Variants in MAF observed in about 807,000 individuals in gnomAD.
MAF encodes MAF bZIP transcription factor.
A neutral mutation model predicts 22.0 loss-of-function variants in MAF; 10 were observed. That is an observed-to-expected ratio of 0.45 (90% confidence interval 0.28 to 0.77). MAF has a LOEUF of 0.77. Among genes scored for constraint, MAF ranks in the 30% least tolerant of loss-of-function variants. The pLI is 0.12. For missense variants in MAF, 544 were observed against 548.4 expected (o/e 0.99, Z 0.08); for synonymous variants, 337 against 255.8 (o/e 1.32, Z -3.03).
At chr16:79,409,281 C>T in the MAF span, among the ~76,000 whole-genome samples, 3 of 152,142 alleles carry the variant, frequency 2.0e-5, no homozygotes, top group Admixed American at 6.5e-5. Context: ...ACTGAGTCAG[C>T]GATCCAAACG....
At chr16:79,370,910 T>G in the MAF span, among the ~76,000 whole-genome samples, 1 of 152,184 alleles carries the variant, frequency 6.6e-6, no homozygotes, top group East Asian at 1.9e-4. Context: ...CTTCTGTGGT[T>G]TCTCATTTGT....
the MAF span, chr16:79,202,970 G>A: frequency 6.6e-6 from 1 of 152,160 alleles, no homozygotes; most frequent in Non-Finnish European, 1.5e-5. Flanking sequence ...ATGCTAAGGT[G>A]TTGCATAATC....
chr16:79,334,911 G>A, the MAF span, among the ~76,000 whole-genome samples: 1 of 151,902 alleles, frequency 6.6e-6, no homozygotes, highest in African/African-American at 2.4e-5. Flanking sequence ...TAGAGGCTGG[G>A]TGCAGTGGCT....
At chr16:79,283,782 G>A in the MAF span, among the ~76,000 whole-genome samples, 7 of 152,138 alleles carry the variant, frequency 4.6e-5, no homozygotes, top group Admixed American at 2.6e-4. Context: ...GAACCTGCAC[G>A]CTGCTTTGGC....
the MAF span, among the ~76,000 whole-genome samples, chr16:79,387,042 G>C: frequency 1.3e-5 from 2 of 152,148 alleles, no homozygotes; most frequent in African/African-American, 2.4e-5. Flanking sequence ...CAGAATAACT[G>C]TCTACTCAAA....
At chr16:79,483,494 T>A in the MAF span, among the ~76,000 whole-genome samples, 1 of 150,988 alleles carries the variant, frequency 6.6e-6, no homozygotes, top group Non-Finnish European at 1.5e-5. Context: ...GGGGAAGCAA[T>A]GTTAAATTAA....
At chr16:79,241,089 CA>C in the MAF span, among the ~76,000 whole-genome samples, 1 of 152,088 alleles carries the variant, frequency 6.6e-6, no homozygotes, top group Non-Finnish European at 1.5e-5. Flanking sequence ...GGGGAGAAAT[CA>C]GCGCAAAAAG....
the MAF span, among the ~76,000 whole-genome samples, chr16:79,249,232 C>T: frequency 1.4e-4 from 22 of 152,056 alleles, no homozygotes; most frequent in Non-Finnish European, 1.5e-5. Flanking sequence ...CCAGCCTGAC[C>T]AACATGAAGA....
intron 1 of MAF, among the ~76,000 whole-genome samples, chr16:79,586,634 G>C (rs1912857876): frequency 6.6e-6 from 1 of 152,182 alleles, no homozygotes; most frequent in Admixed American, 6.5e-5. Context: ...GTAATTCAAA[G>C]TAGTTAGCTT....
At chr16:79,280,401 T>C in the MAF span, among the ~76,000 whole-genome samples, 1 of 152,242 alleles carries the variant, frequency 6.6e-6, no homozygotes, top group Non-Finnish European at 1.5e-5. Context: ...TCTATCCTCC[T>C]ATTTTGGCAA....
the MAF span, among the ~76,000 whole-genome samples, chr16:79,388,973 C>T: frequency 4.6e-5 from 7 of 152,284 alleles, no homozygotes; most frequent in East Asian, 7.7e-4. Flanking sequence ...TACTACTGTC[C>T]TATAAGGAGG....
the MAF span, among the ~76,000 whole-genome samples, chr16:79,210,700 G>T: frequency 2.0e-5 from 3 of 151,804 alleles, no homozygotes; most frequent in Non-Finnish European, 4.4e-5. Context: ...CTGAACAGCA[G>T]CCTATTATTT....
chr16:79,545,896 T>C, the MAF span, among the ~76,000 whole-genome samples: 1 of 152,168 alleles, frequency 6.6e-6, no homozygotes, highest in Admixed American at 6.5e-5. Flanking sequence ...TTTAAGTGTT[T>C]TCACTACCAA....
the MAF span, among the ~76,000 whole-genome samples, chr16:79,395,243 C>G: frequency 6.6e-6 from 1 of 152,144 alleles, no homozygotes; most frequent in African/African-American, 2.4e-5. Flanking sequence ...AACCAAGGAG[C>G]TGGATCATAT....
At chr16:79,240,359 C>G in the MAF span, among the ~76,000 whole-genome samples, 206 of 151,298 alleles carry the variant, frequency 1.4e-3, 1 homozygote, top group Middle Eastern at 0.01. Flanking sequence ...AACTAAACTC[C>G]TCATCCCACT....
chr16:79,322,979 T>G, the MAF span, among the ~76,000 whole-genome samples: 8 of 150,744 alleles, frequency 5.3e-5, no homozygotes, highest in Admixed American at 5.3e-4. Flanking sequence ...TGAAACCCCA[T>G]CTCTACTAAA....
At chr16:79,388,248 C>T in the MAF span, among the ~76,000 whole-genome samples, 11 of 108,534 alleles carry the variant, frequency 1.0e-4, no homozygotes, top group African/African-American at 3.1e-4. Context: ...CGATGTGGCC[C>T]GCGGATAAAT....
chr16:79,486,244 T>G, the MAF span, among the ~76,000 whole-genome samples: 1 of 152,194 alleles, frequency 6.6e-6, no homozygotes, highest in African/African-American at 2.4e-5. Context: ...GGTTCCCCTA[T>G]AGTTCCAAAT....
chr16:79,359,597 G>A, the MAF span, among the ~76,000 whole-genome samples: 1 of 152,170 alleles, frequency 6.6e-6, no homozygotes, highest in South Asian at 2.1e-4. Flanking sequence ...CAGCTAAGGA[G>A]GAGAATTCAG....
Sources: gnomAD v4.1 joint callset for allele counts (sites outside exome capture counted in the v4.1 genomes callset) on GRCh38, gnomAD v4.1.1 for gene constraint, MANE v1.5 for transcripts, NCBI Gene and HGNC (gene_info 2026-07-23, HGNC 2026-07-21) for gene names.